The following SLC12A8 variants were observed in gnomAD, a reference collection of about 807,000 sequenced individuals.
SLC12A8 encodes the protein cation-chloride cotransporter 9.
In SLC12A8, 69 loss-of-function variants were observed where a neutral mutation model predicts 75.6. The ratio of observed to expected loss-of-function variants is 0.91; its 90% confidence interval spans 0.75 to 1.11. The LOEUF (loss-of-function observed/expected upper bound fraction) is 1.11. Ranked by LOEUF, SLC12A8 falls within the 50% of genes most tolerant of loss-of-function variation. The pLI, the probability that SLC12A8 is intolerant of heterozygous loss-of-function variation, is 0.00. For missense variants in SLC12A8, 877 were observed against 896.7 expected (o/e 0.98, Z 0.28); for synonymous variants, 365 against 372.8 (o/e 0.98, Z 0.24).
chr3:125,091,828 T>C (rs1325722343), intron 11 of SLC12A8, among the ~76,000 whole-genome samples: 1 of 152,150 alleles, frequency 6.6e-6, no homozygotes, highest in African/African-American at 2.4e-5. Flanking sequence ...AGAAACAAAT[T>C]AGGATGAAAG....
chr3:125,110,978 G>A (rs980769670), intron 8 of SLC12A8, among the ~76,000 whole-genome samples: 1 of 152,084 alleles, frequency 6.6e-6, no homozygotes, highest in African/African-American at 2.4e-5. Context: ...CTGTTCACAC[G>A]CCCTAATCTA....
intron 4 of SLC12A8, among the ~76,000 whole-genome samples, chr3:125,179,511 A>G (rs1934607221): frequency 6.6e-6 from 1 of 152,200 alleles, no homozygotes; most frequent in African/African-American, 2.4e-5. Context: ...ATTTGAAAGG[A>G]GCTTGTGAAC....
intron 4 of SLC12A8, among the ~76,000 whole-genome samples, chr3:125,183,586 T>C (rs912435730): frequency 2.6e-5 from 4 of 152,130 alleles, no homozygotes; most frequent in South Asian, 4.1e-4. Flanking sequence ...TTAACACATA[T>C]GTCCTGAATA....
intron 9 of SLC12A8, 134 bp from the exon 10 acceptor site, chr3:125,108,260 A>G: frequency 1.1e-6 from 1 of 888,044 alleles, no homozygotes; most frequent in South Asian, 1.8e-5. Flanking sequence ...TCATCTATAA[A>G]CTTGAGATAA....
intron 5 of SLC12A8, among the ~76,000 whole-genome samples, chr3:125,163,028 G>T (rs1934208348): frequency 6.6e-6 from 1 of 152,228 alleles, no homozygotes; most frequent in African/African-American, 2.4e-5. Flanking sequence ...TTGGGGCCAG[G>T]TGCGGTGGCT....
chr3:125,086,899 T>G (rs2670172), intron 13 of SLC12A8, among the ~76,000 whole-genome samples: 93,443 of 152,012 alleles, frequency 0.61, 29,903 homozygotes, highest in African/African-American at 0.79. Context: ...CACGAAGGCT[T>G]TATTTCTTGT....
At chr3:125,159,543 C>G (rs1934122404) in intron 5 of SLC12A8, among the ~76,000 whole-genome samples, 1 of 152,252 alleles carries the variant, frequency 6.6e-6, no homozygotes, top group South Asian at 2.1e-4. Flanking sequence ...GAGAGAAAAT[C>G]TGAGAACCAA....
At chr3:125,164,647 T>C (rs1443106205) in intron 5 of SLC12A8, among the ~76,000 whole-genome samples, 1 of 152,252 alleles carries the variant, frequency 6.6e-6, no homozygotes. Context: ...TCCAGGGTCT[T>C]GCCGGCCTGA....
chr3:125,101,697 G>A (rs1938880200), intron 10 of SLC12A8, among the ~76,000 whole-genome samples: 3 of 152,178 alleles, frequency 2.0e-5, no homozygotes, highest in African/African-American at 7.2e-5. Flanking sequence ...ATAAAATACA[G>A]CCTCAAGTTA....
In SLC12A8 at chr3:125,211,455, A is replaced by G; in HGVS notation, c.-45-61T>C. On this transcript the variant is annotated intron_variant, in intron 1 of 13. Transcript: ENST00000469902. ...CTCCTCTCCTCTCCCCTTGTTGTCC[A>G]TCCTTTCTCTCTACTAGAATTGTTC... 5.6e-6 allele frequency: 5 copies of G among 895,266 alleles called. No homozygotes were observed. In the Middle Eastern group the frequency reaches 6.4e-4, roughly 115 times the overall value. The allele number at this position is 895,266 out of a possible 1,614,324, so 55.5% of individuals were successfully genotyped here.
At chr3:125,142,058 C>T (rs956750904) in intron 5 of SLC12A8, among the ~76,000 whole-genome samples, 2 of 152,194 alleles carry the variant, frequency 1.3e-5, no homozygotes, top group Non-Finnish European at 2.9e-5. Flanking sequence ...CGCACCCGGC[C>T]TCGCGCGCCG....
chr3:125,128,140 G>A (rs1322766016), intron 6 of SLC12A8, among the ~76,000 whole-genome samples: 1 of 151,068 alleles, frequency 6.6e-6, no homozygotes, highest in East Asian at 1.9e-4. Flanking sequence ...AAAGTGCTGG[G>A]ATTACAGGCA....
In SLC12A8 at chr3:125,120,582, C is replaced by T. The variant is rs1387990704; in HGVS notation, c.824+17G>A. The T allele has an allele frequency of 8.2e-6, 13 of 1,592,642 alleles. No homozygotes were observed. The highest frequency in any genetic ancestry group is 1.1e-5 in the Non-Finnish European group (13 of 1,161,506). ...CCCACTCTCTAGCTCAGACTGATTG[C>T]CATGAGGGGAACTTACGAGATGCCA... On this transcript the variant is annotated intron_variant, in intron 7 of 13. Coordinates refer to ENST00000469902, the MANE Select transcript of SLC12A8 (RefSeq NM_024628.6).
At chr3:125,111,236 A>AT (rs1560054968) in intron 8 of SLC12A8, among the ~76,000 whole-genome samples, 1 of 152,200 alleles carries the variant, frequency 6.6e-6, no homozygotes, top group Non-Finnish European at 1.5e-5. Context: ...TAAATGACGA[A>AT]TGAATGAATG....
At chr3:125,173,944 T>C (rs1217700302) in intron 5 of SLC12A8, among the ~76,000 whole-genome samples, 1 of 151,904 alleles carries the variant, frequency 6.6e-6, no homozygotes, top group Middle Eastern at 3.2e-3. Context: ...TACAAAAAAT[T>C]AGTCGGGCGT....
chr3:125,188,083 C>T (rs997040242), intron 3 of SLC12A8, among the ~76,000 whole-genome samples: 1 of 152,142 alleles, frequency 6.6e-6, no homozygotes, highest in African/African-American at 2.4e-5. Context: ...GAGGTGGGGC[C>T]TGGTGGGAGG....
rs1933470078 is a variant in SLC12A8, at chr3:125,135,654, C to T, written c.736+15G>A. 1.3e-6 allele frequency: 2 copies of T among 1,543,182 alleles called. No individual in the cohort carries two copies. The highest frequency in any genetic ancestry group is 1.2e-5 in the South Asian group (1 of 81,618). On this transcript the variant is annotated intron_variant, in intron 6 of 13. Transcript: ENST00000469902. ...CCCCTAATTTGAGAGTAAAAAAGAACCCAGATTACAATACCTGTAGCCGCT... is the reference window on the plus strand; with the variant it reads ...CCCCTAATTTGAGAGTAAAAAAGAATCCAGATTACAATACCTGTAGCCGCT...
Position 125,088,372 on chromosome 3 carries a change from T to G in SLC12A8, c.1922-2A>C. The G allele has an allele frequency of 6.2e-7, 1 of 1,614,194 alleles. No individual in the cohort carries two copies. Among genetic ancestry groups the G allele is most frequent in the Non-Finnish European group, 8.5e-7 (1 of 1,180,030 alleles). ...AAAAGCTGAAGTTGGAGGCTGATCC[T>G]GCAGGGAAGACATATACATAACCAT... On this transcript the variant is annotated splice_acceptor_variant, in intron 12 of 13. Coordinates refer to ENST00000469902, the MANE Select transcript of SLC12A8 (RefSeq NM_024628.6). LOFTEE classifies it high-confidence loss of function.
chr3:125,144,324 C>T (rs1933720464), intron 5 of SLC12A8, among the ~76,000 whole-genome samples: 2 of 152,170 alleles, frequency 1.3e-5, no homozygotes, highest in Admixed American at 6.5e-5. Context: ...CACAGAGAGG[C>T]AACTGGGATT....
Sources: allele counts gnomAD v4.1 joint callset (sites outside exome capture counted in the v4.1 genomes callset), GRCh38; gene constraint gnomAD v4.1.1; transcripts MANE v1.5; gene names NCBI Gene and HGNC (gene_info 2026-07-23, HGNC 2026-07-21).